The following B3GALT5 variants were observed in gnomAD, a reference collection of about 807,000 sequenced individuals.
The protein encoded by B3GALT5 is UDP-Gal:betaGlcNAc beta 1,3-galactosyltransferase, polypeptide 5.
For synonymous variants in B3GALT5, 156 were observed against 158.6 expected (o/e 0.98, Z 0.12); for missense variants, 328 against 396.6 (o/e 0.83, Z 1.47).
intron 1 of B3GALT5, among the ~76,000 whole-genome samples, chr21:39,637,665 G>A (rs1311129322): frequency 1.3e-5 from 2 of 152,244 alleles, no homozygotes; most frequent in African/African-American, 4.8e-5. Context: ...AGGAACAAAG[G>A]CCATTGATTG....
intron 2 of B3GALT5, among the ~76,000 whole-genome samples, chr21:39,654,028 G>A (rs762871411): frequency 2.0e-5 from 3 of 152,194 alleles, no homozygotes; most frequent in Non-Finnish European, 4.4e-5. Context: ...ATGCTGCTGT[G>A]AACATTCTTG....
intron 1 of B3GALT5, among the ~76,000 whole-genome samples, chr21:39,640,517 G>A (rs2079281471): frequency 6.6e-6 from 1 of 152,144 alleles, no homozygotes; most frequent in Non-Finnish European, 1.5e-5. Context: ...CACCTTAAGA[G>A]TACCTGTAAG....
intron 1 of B3GALT5, among the ~76,000 whole-genome samples, chr21:39,638,675 A>T (rs1349194438): frequency 1.3e-5 from 2 of 152,196 alleles, no homozygotes; most frequent in Admixed American, 6.5e-5. Context: ...CAAGCTGCCT[A>T]CGGATGGCTA....
chr21:39,629,310 G>A (rs749708763), intron 1 of B3GALT5, among the ~76,000 whole-genome samples: 50 of 152,268 alleles, frequency 3.3e-4, no homozygotes, highest in African/African-American at 7.9e-4. Flanking sequence ...CCACCATGCC[G>A]AGCCTTAACA....
chr21:39,660,770 G>C lies in B3GALT5; in HGVS notation c.211G>C (p.Ala71Pro), dbSNP rs140454722. Residue 71 changes from alanine (A) to proline (P), a missense_variant, in exon 4 of 4, where the codon GCT (alanine) becomes CCT (proline). Physicochemically the swap from Ala to Pro is conservative, Grantham distance 27. Coordinates refer to ENST00000684187, the MANE Select transcript of B3GALT5 (RefSeq NM_001356336.2). ...LLVTSSHKQLAERMAIRQTWG... is the reference protein window; with the variant it reads ...LLVTSSHKQLPERMAIRQTWG... ...GGTGACCTCATCCCACAAACAGTTG[G>C]CTGAGCGCATGGCCATCCGGCAGAC... is the stretch of plus-strand genomic sequence containing the variant. The C allele has an allele frequency of 8.3e-6, 13 of 1,558,152 alleles. No individual in the cohort carries two copies. Among genetic ancestry groups the C allele is most frequent in the Non-Finnish European group, 6.9e-6 (8 of 1,151,776 alleles).
At position 39,661,264 on chromosome 21, in the gene B3GALT5, C is replaced by T. The variant is rs148502837; in HGVS notation, c.705C>T (p.Ser235=). 9.9e-6 allele frequency: 16 copies of T among 1,614,158 alleles called. No individual in the cohort carries two copies. In the East Asian group the frequency reaches 1.8e-4, roughly 18 times the overall value. Residue 235 remains serine, a synonymous_variant, in exon 4 of 4, where the codon AGC becomes AGT. Coordinates refer to ENST00000684187, the MANE Select transcript of B3GALT5 (RefSeq NM_001356336.2). The surrounding 1 kb of genome is among the most constrained non-coding windows in gnomAD (Gnocchi z 4.7). ...VASQVYNVSK[S]VPYIKLEDVF... is the part of the protein sequence containing the mutation. The stretch of plus-strand genomic sequence containing the variant: ...GTCAGGTGTACAATGTCTCCAAGAG[C>T]GTCCCATACATTAAACTGGAAGACG...
At chr21:39,614,193 G>C (rs474656) in intron 1 of B3GALT5, among the ~76,000 whole-genome samples, 71,039 of 152,012 alleles carry the variant, frequency 0.47, 17,168 homozygotes, top group South Asian at 0.59. Context: ...TTTAAAACAG[G>C]TGCGTGTAAT....
At chr21:39,642,508 G>A (rs1046907957) in intron 1 of B3GALT5, among the ~76,000 whole-genome samples, 10 of 152,126 alleles carry the variant, frequency 6.6e-5, no homozygotes, top group Admixed American at 6.6e-4. Context: ...CACACATTGA[G>A]GTTCCTCTTC....
intron 1 of B3GALT5, among the ~76,000 whole-genome samples, chr21:39,644,293 A>C (rs532552650): frequency 4.6e-4 from 70 of 152,304 alleles, no homozygotes; most frequent in Non-Finnish European, 8.1e-4. Flanking sequence ...ATTTGTTTAC[A>C]TTACCATGTT....
At position 39,663,149 on chromosome 21, in the gene B3GALT5, A is replaced by G; in HGVS notation, c.*1657A>G. 6.6e-6 allele frequency: 1 copy of G among 152,230 alleles called. No homozygotes were observed. The highest frequency in any genetic ancestry group is 1.9e-4 in the East Asian group (1 of 5,188). The allele number at this position is 152,230 out of a possible 1,614,324, so 9.4% of individuals were successfully genotyped here. The stretch of plus-strand genomic sequence containing the variant: ...GAGCCACGCCTCTCGGTTCCATAGG[A>G]TGGGCCGCCTCTCATTCTGAAGATG... On this transcript the variant is annotated 3_prime_UTR_variant, in exon 4 of 4. Transcript: ENST00000684187.
intron 1 of B3GALT5, among the ~76,000 whole-genome samples, chr21:39,621,225 G>T (rs1011061985): frequency 3.3e-5 from 5 of 152,148 alleles, no homozygotes; most frequent in African/African-American, 1.2e-4. Flanking sequence ...AATTAAGAAA[G>T]ATCTCTTTTT....
intron 1 of B3GALT5, among the ~76,000 whole-genome samples, chr21:39,635,198 A>C (rs1359645162): frequency 6.6e-6 from 1 of 152,088 alleles, no homozygotes; most frequent in African/African-American, 2.4e-5. Flanking sequence ...GCTTGTTTGT[A>C]GATTTTGGGG....
Position 39,659,926 on chromosome 21 carries a change from T to C in B3GALT5, c.-1+14T>C. 4 of 984,104 alleles carry C rather than the reference T, an allele frequency of 4.1e-6. No individual in the cohort carries two copies. The highest frequency in any genetic ancestry group is 4.8e-6 in the Non-Finnish European group (4 of 828,770). 61.0% of individuals were successfully genotyped at this position (984,104 alleles called of 1,614,324 possible). ...ACCCAGCAAAAAGTGAGTTATACGC[T>C]TTCTTAATGTTATAACGTTACCATG... On this transcript the variant is annotated intron_variant, in intron 3 of 3. Transcript: ENST00000684187.
chr21:39,661,351 G>A lies in B3GALT5; in HGVS notation c.792G>A (p.Pro264=). The A allele has an allele frequency of 8.7e-6, 14 of 1,611,366 alleles. No individual in the cohort carries two copies. The Middle Eastern group carries it at 5.0e-4, about 57-fold the overall frequency. ...NIRLEELHSQ[P]TFFPGGLRFS... ...GATTGGAGGAGCTCCACTCCCAGCC[G>A]ACCTTTTTTCCAGGGGGCTTACGCT... The change falls in exon 4 of 4, where the codon CCG becomes CCA. Residue 264 remains proline, a synonymous_variant. Transcript: ENST00000684187. The surrounding 1 kb of genome is among the most constrained non-coding windows in gnomAD (Gnocchi z 4.7).
chr21:39,623,734 C>G (rs1425362601), intron 1 of B3GALT5, among the ~76,000 whole-genome samples: 2 of 152,118 alleles, frequency 1.3e-5, no homozygotes, highest in Non-Finnish European at 2.9e-5. Flanking sequence ...AGGACTTTCT[C>G]ATTTTCGACG....
At chr21:39,645,691 G>A (rs2146204207) in intron 1 of B3GALT5, among the ~76,000 whole-genome samples, 1 of 152,194 alleles carries the variant, frequency 6.6e-6, no homozygotes, top group African/African-American at 2.4e-5. Context: ...GAGGCAAATT[G>A]GGGGGAGTCA....
chr21:39,643,410 T>G (rs1236016934), intron 1 of B3GALT5, among the ~76,000 whole-genome samples: 1 of 142,074 alleles, frequency 7.0e-6, no homozygotes, highest in Non-Finnish European at 1.5e-5. Context: ...AGAGCGAGAC[T>G]CTAGCTCAAA....
chr21:39,614,811 C>T (rs1370020598), intron 1 of B3GALT5, among the ~76,000 whole-genome samples: 1 of 152,184 alleles, frequency 6.6e-6, no homozygotes, highest in African/African-American at 2.4e-5. Flanking sequence ...CCCATGCATG[C>T]TTGTCCATTT....
chr21:39,669,189 C>A lies in B3GALT5; in HGVS notation c.*7697C>A, dbSNP rs780128781. ...CAATCAGAGCACTGTGTTCTTGACC[C>A]TCTTAATTCAGAATATGTGAAAATC... On this transcript the variant is annotated 3_prime_UTR_variant, in exon 4 of 4. Coordinates refer to ENST00000684187, the MANE Select transcript of B3GALT5 (RefSeq NM_001356336.2). The A allele has an allele frequency of 6.6e-6, 1 of 152,146 alleles. No homozygotes were observed. Among genetic ancestry groups the A allele is most frequent in the African/African-American group, 2.4e-5 (1 of 41,422 alleles). The allele number at this position is 152,146 out of a possible 1,614,324, so 9.4% of individuals were successfully genotyped here.
Sources: gnomAD v4.1 joint callset for allele counts (sites outside exome capture counted in the v4.1 genomes callset) on GRCh38, gnomAD v4.1.1 for gene constraint, Gnocchi (gnomAD v3.1) non-coding constraint, MANE v1.5 for transcripts, NCBI Gene and HGNC (gene_info 2026-07-23, HGNC 2026-07-21) for gene names.